The following GPC5 variants were observed in gnomAD, a reference collection of about 807,000 sequenced individuals.
GPC5 encodes glypican 5.
A neutral mutation model predicts 53.9 loss-of-function variants in GPC5; 47 were observed. The ratio of observed to expected loss-of-function variants is 0.87; its 90% CI spans 0.69 to 1.11. GPC5 has a LOEUF of 1.11. Among genes scored for constraint, GPC5 ranks in the 50% most tolerant of loss-of-function variants. The pLI is 0.00. For missense variants in GPC5, 748 were observed against 713.1 expected (o/e 1.05, Z -0.56); for synonymous variants, 286 against 263.3 (o/e 1.09, Z -0.84).
At chr13:91,727,906 C>T (rs1243881699) in intron 3 of GPC5, among the ~76,000 whole-genome samples, 1 of 151,982 alleles carries the variant, frequency 6.6e-6, no homozygotes, top group African/African-American at 2.4e-5. Flanking sequence ...ATACAGAGCT[C>T]TTTACTGGAT....
chr13:92,613,867 CT>C (rs1431621032), intron 7 of GPC5, among the ~76,000 whole-genome samples: 1 of 150,970 alleles, frequency 6.6e-6, no homozygotes, highest in Admixed American at 6.7e-5. Context: ...TAAAAAAATT[CT>C]TTTAAAATAA....
intron 6 of GPC5, among the ~76,000 whole-genome samples, chr13:92,048,454 A>G (rs1054986631): frequency 2.0e-5 from 3 of 152,194 alleles, no homozygotes; most frequent in African/African-American, 7.2e-5. Context: ...GCAGAGTTTT[A>G]TGGTGAGAAC....
chr13:91,453,599 A>C (rs545594361), intron 2 of GPC5, among the ~76,000 whole-genome samples: 3 of 151,876 alleles, frequency 2.0e-5, no homozygotes, highest in African/African-American at 7.3e-5. Context: ...TACTTGATCA[A>C]GATTAAGAGA....
At chr13:91,840,490 A>C (rs2038773348) in intron 5 of GPC5, among the ~76,000 whole-genome samples, 1 of 152,106 alleles carries the variant, frequency 6.6e-6, no homozygotes, top group South Asian at 2.1e-4. Flanking sequence ...TGAAGCTTGC[A>C]GTCAGTCAGA....
chr13:92,361,915 G>A (rs929237940), intron 7 of GPC5, among the ~76,000 whole-genome samples: 8 of 151,390 alleles, frequency 5.3e-5, no homozygotes, highest in African/African-American at 2.0e-4. Context: ...TACAGCTAAC[G>A]AGCTTTTGTA....
Position 91,693,596 on chromosome 13 carries a change from C to T in GPC5, c.735C>T (p.Ser245=). The change falls in exon 3 of 8, where the codon TCC becomes TCT. Residue 245 remains serine (S), a synonymous_variant. Coordinates refer to ENST00000377067, the MANE Select transcript of GPC5 (RefSeq NM_004466.6). The stretch of plus-strand genomic sequence containing the variant: ...ACACCACAGACTATCTGCACTTCTC[C>T]AAAGAGTGCAGCAGAGCCCTCCTGA... ...VINTTDYLHF[S]KECSRALLKM... 6 of 1,614,116 alleles carry T rather than the reference C, an allele frequency of 3.7e-6. No homozygotes were observed. Among genetic ancestry groups the T allele is most frequent in the Non-Finnish European group, 5.1e-6 (6 of 1,180,018 alleles).
intron 6 of GPC5, among the ~76,000 whole-genome samples, chr13:92,035,214 C>CAAAA (rs11410459): frequency 8.3e-6 from 1 of 119,826 alleles, no homozygotes; most frequent in Non-Finnish European, 1.7e-5. Flanking sequence ...GACTCCGTCT[C>CAAAA]AAAAAAAAAA....
intron 6 of GPC5, among the ~76,000 whole-genome samples, chr13:92,033,906 C>CG (rs2040873056): frequency 6.6e-6 from 1 of 152,094 alleles, no homozygotes; most frequent in Admixed American, 6.6e-5. Context: ...TTGTGACCAC[C>CG]GGCCTTAATT....
At chr13:92,832,964 C>T (rs1486887539) in intron 7 of GPC5, among the ~76,000 whole-genome samples, 4 of 152,072 alleles carry the variant, frequency 2.6e-5, no homozygotes, top group Non-Finnish European at 5.9e-5. Flanking sequence ...GCCGAGACTG[C>T]CAAAGCACTT....
intron 2 of GPC5, among the ~76,000 whole-genome samples, chr13:91,472,832 T>G (rs1236500269): frequency 1.3e-5 from 2 of 152,202 alleles, no homozygotes; most frequent in Non-Finnish European, 2.9e-5. Context: ...ATAATTTCAC[T>G]GTTGAATTCA....
chr13:91,493,607 C>G (rs1884060565), intron 2 of GPC5, among the ~76,000 whole-genome samples: 2 of 151,992 alleles, frequency 1.3e-5, no homozygotes, highest in African/African-American at 4.8e-5. Flanking sequence ...CACACGTCTG[C>G]TCTTGAAATA....
chr13:92,390,565 T>C (rs1395893376), intron 7 of GPC5, among the ~76,000 whole-genome samples: 2 of 152,150 alleles, frequency 1.3e-5, no homozygotes, highest in Admixed American at 6.6e-5. Flanking sequence ...TGGTGCTTTT[T>C]ACCCCTCTGC....
At chr13:92,145,140 C>T in intron 7 of GPC5, 151 bp downstream of exon 7, 2 of 609,708 alleles carry the variant, frequency 3.3e-6, no homozygotes, top group South Asian at 6.8e-5. Flanking sequence ...TTTTTTAGGA[C>T]ATACATTCTT....
chr13:92,584,753 G>A lies in GPC5; in HGVS notation c.1562-281529G>A, dbSNP rs1413474570. Reference sequence around the variant, plus strand: ...GGCATAGGAGAAAATGGTTTCCTGGGCCAGGCCTAGGGTCCCTGTGTGGCA... The same window carrying A: ...GGCATAGGAGAAAATGGTTTCCTGGACCAGGCCTAGGGTCCCTGTGTGGCA... On this transcript the variant is annotated intron_variant, in intron 7 of 7. Transcript: ENST00000377067. Among the ~76,000 whole-genome samples the A allele has an allele frequency of 3.3e-5, 5 of 152,062 alleles. No individual in the cohort carries two copies. In the South Asian group the frequency reaches 6.2e-4, roughly 19 times the overall value.
At chr13:91,824,319 A>G (rs1422309196) in intron 5 of GPC5, among the ~76,000 whole-genome samples, 2 of 152,024 alleles carry the variant, frequency 1.3e-5, no homozygotes, top group Non-Finnish European at 2.9e-5. Context: ...GAAGAAAATT[A>G]GGGCACTAAA....
At position 91,421,784 on chromosome 13, in the gene GPC5, G is replaced by A. The variant is rs182890630; in HGVS notation, c.163+22575G>A. Among the ~76,000 whole-genome samples the A allele has an allele frequency of 1.5e-3, 236 of 152,324 alleles. 1 individual carries two copies. The highest frequency in any genetic ancestry group is 5.4e-3 in the African/African-American group (223 of 41,574). Reference sequence around the variant, plus strand: ...TCAGAATTATAGAAGCCTGTAGAGAGGGTGGGCCATGAGACAATAAGAGTG... The same window carrying A: ...TCAGAATTATAGAAGCCTGTAGAGAAGGTGGGCCATGAGACAATAAGAGTG... On this transcript the variant is annotated intron_variant, in intron 1 of 7. Transcript: ENST00000377067.
At chr13:91,801,697 C>T (rs530360937) in intron 5 of GPC5, among the ~76,000 whole-genome samples, 38 of 152,282 alleles carry the variant, frequency 2.5e-4, no homozygotes, top group Admixed American at 1.4e-3. Context: ...ATGCTTCCTA[C>T]GTACTTAGCA....
At chr13:91,720,274 C>G (rs1295137800) in intron 3 of GPC5, among the ~76,000 whole-genome samples, 1 of 152,190 alleles carries the variant, frequency 6.6e-6, no homozygotes, top group Non-Finnish European at 1.5e-5. Context: ...TTACCTGACT[C>G]TGTGCTGAAA....
intron 7 of GPC5, among the ~76,000 whole-genome samples, chr13:92,561,123 A>T (rs1385482590): frequency 6.6e-6 from 1 of 151,936 alleles, no homozygotes; most frequent in Non-Finnish European, 1.5e-5. Context: ...GCCATAGTAA[A>T]ATCCTTCTTC....
Sources: allele counts gnomAD v4.1 joint callset (sites outside exome capture counted in the v4.1 genomes callset), GRCh38; gene constraint gnomAD v4.1.1; transcripts MANE v1.5; gene names NCBI Gene and HGNC (gene_info 2026-07-23, HGNC 2026-07-21).